MICAL2: variants seen among roughly 807,000 people sequenced by gnomAD.
MICAL2 encodes the protein microtubule associated monooxygenase, calponin and LIM domain containing 2.
Under a neutral mutation model 127.3 loss-of-function variants are expected in MICAL2, and 77 were observed. That is an observed-to-expected ratio of 0.60 (90% CI 0.50 to 0.73). MICAL2 has a LOEUF of 0.73. Among genes scored for constraint, MICAL2 ranks in the 30% least tolerant of loss-of-function variants. The pLI is 0.00. For missense variants in MICAL2, 1,351 were observed against 1,434.4 expected, an observed-to-expected ratio of 0.94 and a Z score of 0.94; for synonymous variants, 570 against 551.1, an observed-to-expected ratio of 1.03 and a Z score of -0.48.
intron 21 of MICAL2, among the ~76,000 whole-genome samples, chr11:12,247,138 T>C (rs1176709781): frequency 6.6e-6 from 1 of 152,118 alleles, no homozygotes; most frequent in African/African-American, 2.4e-5. Context: ...CCCAGGCCAG[T>C]GCTCTCCTGT....
intron 33 of MICAL2, among the ~76,000 whole-genome samples, chr11:12,351,391 G>T (rs1010733644): frequency 1.9e-4 from 29 of 152,160 alleles, no homozygotes; most frequent in African/African-American, 6.8e-4. Context: ...ACATCTAGGG[G>T]CAGGGGTGCT....
intron 2 of MICAL2, among the ~76,000 whole-genome samples, chr11:12,144,628 C>G (rs1590060786): frequency 1.3e-5 from 2 of 152,300 alleles, no homozygotes; most frequent in South Asian, 4.1e-4. Context: ...AACGGTTCTG[C>G]AGCCTCCGAG....
chr11:12,117,594 C>A (rs774123072), intron 1 of MICAL2, among the ~76,000 whole-genome samples: 2 of 152,178 alleles, frequency 1.3e-5, no homozygotes, highest in African/African-American at 4.8e-5. Flanking sequence ...CTCTCACTAA[C>A]AAGAGCTGCC....
chr11:12,338,458 A>T (rs1173416757), intron 32 of MICAL2, among the ~76,000 whole-genome samples: 1 of 152,154 alleles, frequency 6.6e-6, no homozygotes, highest in African/African-American at 2.4e-5. Context: ...ATTTACGTTT[A>T]AGGGTAATAT....
At chr11:12,194,303 A>G (rs1331125012) in intron 3 of MICAL2, among the ~76,000 whole-genome samples, 1 of 152,244 alleles carries the variant, frequency 6.6e-6, no homozygotes, top group East Asian at 1.9e-4. Context: ...CTGAATAGCT[A>G]CAGCTGTAAG....
intron 1 of MICAL2, among the ~76,000 whole-genome samples, chr11:12,111,141 G>T (rs1277157622): frequency 1.3e-5 from 2 of 152,166 alleles, no homozygotes; most frequent in Non-Finnish European, 2.9e-5. Flanking sequence ...AGCCTTGCAC[G>T]CCCCGTTCCA....
At position 12,239,563 on chromosome 11, in the gene MICAL2, G is replaced by C. The variant is rs200483678; in HGVS notation, c.2192G>C (p.Arg731Pro). ...CTGGCCAAGTTTGAGGAGAGCACTCGGAACCCCTCACTCATGAAGCAGGTG... is the reference window on the plus strand; with the variant it reads ...CTGGCCAAGTTTGAGGAGAGCACTCCGAACCCCTCACTCATGAAGCAGGTG... The part of the protein sequence containing the change: ...QLLAKFEEST[R>P]NPSLMKQERR... Residue 731 changes from arginine to proline, a missense_variant, in exon 17 of 28, where the codon CGG becomes CCG. Transcript: ENST00000683283. 34 of 1,614,040 alleles carry C rather than the reference G, an allele frequency of 2.1e-5. No homozygotes were observed. The highest frequency in any genetic ancestry group is 2.7e-5 in the Non-Finnish European group (32 of 1,180,026).
intron 3 of MICAL2, among the ~76,000 whole-genome samples, chr11:12,175,847 G>A (rs916407739): frequency 2.6e-5 from 4 of 152,256 alleles, no homozygotes; most frequent in Middle Eastern, 3.4e-3. Flanking sequence ...ACAGCAAGGA[G>A]ACCTATGTAG....
intron 26 of MICAL2, chr11:12,260,487 A>T: frequency 1.8e-6 from 2 of 1,094,524 alleles, no homozygotes; most frequent in Non-Finnish European, 1.1e-6. Flanking sequence ...AATTTTTCTA[A>T]ACATGGGTTT....
At chr11:12,261,192 G>A in intron 26 of MICAL2, 2 of 985,526 alleles carry the variant, frequency 2.0e-6, no homozygotes, top group Non-Finnish European at 2.4e-6. Context: ...TGCCCAGTGA[G>A]CATTGCCTGT....
At chr11:12,241,763 C>G (rs1326485489) in intron 18 of MICAL2, among the ~76,000 whole-genome samples, 1 of 152,202 alleles carries the variant, frequency 6.6e-6, no homozygotes, top group Admixed American at 6.5e-5. Context: ...GTGTTGCTCC[C>G]AGGTGGTGGA....
intron 1 of MICAL2, among the ~76,000 whole-genome samples, chr11:12,113,590 A>C (rs1380956557): frequency 6.6e-6 from 1 of 152,260 alleles, no homozygotes; most frequent in African/African-American, 2.4e-5. Flanking sequence ...GGTTACAGTC[A>C]GCCATGGTCT....
At chr11:12,281,156 C>G in intron 2 of MICAL2, 1 of 398,886 alleles carries the variant, frequency 2.5e-6, no homozygotes, top group Non-Finnish European at 4.4e-6. Flanking sequence ...ACAGAGACCC[C>G]CACAGCTGAA....
downstream of MICAL2, chr11:12,293,974 A>C (rs1475732540): frequency 1.2e-6 from 2 of 1,614,060 alleles, no homozygotes; most frequent in African/African-American, 2.7e-5. Flanking sequence ...TGAAGAAGTT[A>C]GTCCTCACTC....
upstream of MICAL2, among the ~76,000 whole-genome samples, chr11:12,275,017 C>G (rs867580753): frequency 1.3e-5 from 2 of 151,884 alleles, no homozygotes; most frequent in Non-Finnish European, 2.9e-5. Flanking sequence ...AGCAGAGAGG[C>G]GGTGAGAGGG....
intron 17 of MICAL2, among the ~76,000 whole-genome samples, chr11:12,240,735 G>A (rs987729941): frequency 3.9e-5 from 6 of 152,176 alleles, no homozygotes; most frequent in African/African-American, 9.7e-5. Flanking sequence ...ACCCTGGCCT[G>A]GCATGGGCTC....
intron 29 of MICAL2, among the ~76,000 whole-genome samples, chr11:12,319,152 T>C (rs940363353): frequency 3.9e-5 from 6 of 152,246 alleles, no homozygotes; most frequent in African/African-American, 9.6e-5. Context: ...GGATTTTTTT[T>C]TTCTATGACC....
chr11:12,162,624 A>T (rs1217635459), intron 3 of MICAL2, among the ~76,000 whole-genome samples: 1 of 152,184 alleles, frequency 6.6e-6, no homozygotes, highest in Non-Finnish European at 1.5e-5. Flanking sequence ...GCCCTCTCCA[A>T]GGGAGGGAAG....
chr11:12,116,508 C>A (rs148501774), intron 1 of MICAL2, among the ~76,000 whole-genome samples: 375 of 152,246 alleles, frequency 2.5e-3, no homozygotes, highest in African/African-American at 8.6e-3. Context: ...AAACACCCTG[C>A]TCCATCACTT....
Sources: allele counts gnomAD v4.1 joint callset (sites outside exome capture counted in the v4.1 genomes callset), GRCh38; gene constraint gnomAD v4.1.1; transcripts MANE v1.5; gene names NCBI Gene and HGNC (gene_info 2026-07-23, HGNC 2026-07-21).